MTRF1: variants seen among roughly 807,000 people sequenced by gnomAD.
MTRF1 encodes peptide chain release factor 1, mitochondrial.
In MTRF1, 51 loss-of-function variants were observed where a neutral mutation model predicts 62.9. The ratio of observed to expected loss-of-function variants is 0.81; its 90% confidence interval spans 0.65 to 1.02. The LOEUF (loss-of-function observed/expected upper bound fraction) is 1.02, where lower values mean the gene tolerates loss of function less well. MTRF1 is among the 50% of genes least tolerant of loss of function. The pLI, the probability that MTRF1 is intolerant of heterozygous loss-of-function variation, is 0.00. For synonymous variants in MTRF1, 158 were observed against 181.9 expected (o/e 0.87, Z 1.06); for missense variants, 446 against 530.0 (o/e 0.84, Z 1.56).
intron 9 of MTRF1, among the ~76,000 whole-genome samples, chr13:41,222,764 A>G (rs1342529725): frequency 6.6e-6 from 1 of 152,204 alleles, no homozygotes; most frequent in Non-Finnish European, 1.5e-5. Flanking sequence ...GCTGGCAACC[A>G]CATAAACTTG....
chr13:41,301,884 G>T, the MTRF1 span, among the ~76,000 whole-genome samples: 1 of 152,156 alleles, frequency 6.6e-6, no homozygotes, highest in Non-Finnish European at 1.5e-5. Flanking sequence ...TCTGGGTGTG[G>T]GGATGACTCC....
chr13:41,244,898 A>C (rs572395490), intron 5 of MTRF1, among the ~76,000 whole-genome samples: 2 of 152,346 alleles, frequency 1.3e-5, no homozygotes, highest in South Asian at 4.1e-4. Context: ...TGAGATAAAA[A>C]ATGTTTGTTC....
At chr13:41,272,251 G>GCCTATGTTCTGAATGTTTTA in the MTRF1 span, among the ~76,000 whole-genome samples, 2 of 152,184 alleles carry the variant, frequency 1.3e-5, no homozygotes, top group Non-Finnish European at 2.9e-5. Context: ...TCTTTACAGG[G>GCCTATGTTCTGAATGTTTTA]ATTCAAGTCA....
intron 2 of MTRF1, 105 bp downstream of exon 2, chr13:41,260,388 A>G: frequency 8.9e-7 from 1 of 1,121,300 alleles, no homozygotes; most frequent in Non-Finnish European, 1.3e-6. Flanking sequence ...AGTTCAATAA[A>G]GCTTTAACTT....
At chr13:41,298,382 C>CAT in the MTRF1 span, among the ~76,000 whole-genome samples, 150,487 of 151,024 alleles carry the variant, frequency 1, 74,979 homozygotes, top group Middle Eastern at 1. Flanking sequence ...GGTAAGTTAG[C>CAT]ACTATTACGA....
At chr13:41,276,630 C>T in the MTRF1 span, among the ~76,000 whole-genome samples, 1 of 152,060 alleles carries the variant, frequency 6.6e-6, no homozygotes, top group East Asian at 1.9e-4. Context: ...CTAGCCAACC[C>T]CTCTCTTGCC....
chr13:41,276,224 G>A, the MTRF1 span, among the ~76,000 whole-genome samples: 4 of 151,810 alleles, frequency 2.6e-5, no homozygotes, highest in Admixed American at 6.6e-5. Context: ...AGGCTGGAGT[G>A]CAATGGCATT....
chr13:41,305,536 A>G, the MTRF1 span, among the ~76,000 whole-genome samples: 1 of 152,168 alleles, frequency 6.6e-6, no homozygotes, highest in Non-Finnish European at 1.5e-5. Context: ...ACTGCATACC[A>G]CTTTACTTCT....
At chr13:41,308,158 CAG>C in the MTRF1 span, among the ~76,000 whole-genome samples, 9 of 152,110 alleles carry the variant, frequency 5.9e-5, no homozygotes, top group African/African-American at 2.2e-4. Context: ...GCTGCTACCA[CAG>C]AGAGTGAAGA....
chr13:41,248,810 T>C (rs957131122), intron 5 of MTRF1, among the ~76,000 whole-genome samples: 3 of 152,216 alleles, frequency 2.0e-5, no homozygotes, highest in African/African-American at 4.8e-5. Context: ...ATATATTTCA[T>C]AGAATCCCTT....
At chr13:41,300,272 A>T in the MTRF1 span, among the ~76,000 whole-genome samples, 1 of 152,182 alleles carries the variant, frequency 6.6e-6, no homozygotes, top group East Asian at 1.9e-4. Context: ...CTGTAATTAC[A>T]AGTGGTTTAA....
chr13:41,252,381 G>A lies in MTRF1; in HGVS notation c.697+264C>T, dbSNP rs2039183108. ...ATAGAGAAAAATGATTTTGAGGCAA[G>A]ATACGTATCTAAGTTCCTCAGGGGA... On this transcript the variant is annotated intron_variant, in intron 5 of 9. Transcript: ENST00000379480. The A allele has an allele frequency of 1.5e-5, 4 of 260,626 alleles. No individual in the cohort carries two copies. In the East Asian group the frequency reaches 2.8e-4, roughly 18 times the overall value. 16.1% of individuals were successfully genotyped at this position (260,626 alleles called of 1,614,324 possible). A position where few individuals can be genotyped will look rare whatever the true frequency, so the allele number is the denominator to read the frequency against.
chr13:41,300,352 C>T, the MTRF1 span, among the ~76,000 whole-genome samples: 4 of 152,030 alleles, frequency 2.6e-5, no homozygotes, highest in Admixed American at 6.5e-5. Context: ...TTTGGGAGGC[C>T]GAGGCGGGCG....
the MTRF1 span, among the ~76,000 whole-genome samples, chr13:41,301,257 C>A: frequency 1.3e-5 from 2 of 152,086 alleles, no homozygotes; most frequent in African/African-American, 4.8e-5. Context: ...TCCCTTCACC[C>A]TTTGAAGGTT....
the MTRF1 span, among the ~76,000 whole-genome samples, chr13:41,289,767 C>T: frequency 6.6e-6 from 1 of 152,218 alleles, no homozygotes. Flanking sequence ...GCAAAGCCTG[C>T]AGCCGGCATT....
chr13:41,223,138 AT>A, intron 9 of MTRF1, 117 bp downstream of exon 9: 1 of 623,414 alleles, frequency 1.6e-6, no homozygotes, highest in Non-Finnish European at 2.6e-6. Flanking sequence ...TGGCTTAATG[AT>A]TTAAATTACT....
the MTRF1 span, chr13:41,311,508 C>G: frequency 6.3e-7 from 1 of 1,589,666 alleles, no homozygotes; most frequent in East Asian, 2.3e-5. Context: ...TGCCGGCCAC[C>G]TAGCCTCCCT....
chr13:41,263,384 C>A (rs913013013), intron 1 of MTRF1, 101 bp downstream of exon 1: 1 of 956,998 alleles, frequency 1.0e-6, no homozygotes, highest in Non-Finnish European at 1.5e-6. Flanking sequence ...CGCGGGGCAG[C>A]AGCACGGGCA....
At chr13:41,309,991 C>A in the MTRF1 span, among the ~76,000 whole-genome samples, 7 of 151,954 alleles carry the variant, frequency 4.6e-5, no homozygotes, top group Non-Finnish European at 1.5e-5. Flanking sequence ...AACAAAACAT[C>A]GTCTCAAAAA....
Sources: allele counts gnomAD v4.1 joint callset (sites outside exome capture counted in the v4.1 genomes callset), GRCh38; gene constraint gnomAD v4.1.1; transcripts MANE v1.5; gene names NCBI Gene and HGNC (gene_info 2026-07-23, HGNC 2026-07-21).